OXSR1: variants seen among roughly 807,000 people sequenced by gnomAD.
OXSR1 encodes the protein serine/threonine-protein kinase OSR1.
In OXSR1, 24 loss-of-function variants were observed where a neutral mutation model predicts 79.8. The observed-to-expected ratio is 0.30, with a 90% confidence interval of 0.22 to 0.42. OXSR1 has a LOEUF of 0.42. Among genes scored for constraint, OXSR1 ranks in the 10% least tolerant of loss-of-function variants. The pLI, the probability that OXSR1 is intolerant of heterozygous loss-of-function variation, is 1.00. For missense variants in OXSR1, 430 were observed against 618.4 expected (o/e 0.70, Z 3.23); for synonymous variants, 226 against 209.2 (o/e 1.08, Z -0.69).
At chr3:38,193,666 C>G (rs1215143677) in intron 3 of OXSR1, among the ~76,000 whole-genome samples, 1 of 140,586 alleles carries the variant, frequency 7.1e-6, no homozygotes, top group Non-Finnish European at 1.5e-5. Context: ...GAGTATATGT[C>G]TTGATCATAG....
At chr3:38,193,327 T>C (rs761959133) in intron 3 of OXSR1, 1 of 1,289,648 alleles carries the variant, frequency 7.8e-7, no homozygotes. Flanking sequence ...GCCCTGTTCA[T>C]ATGATGGTTG....
chr3:38,191,963 C>T (rs1701991979), intron 3 of OXSR1, among the ~76,000 whole-genome samples: 2 of 152,146 alleles, frequency 1.3e-5, no homozygotes, highest in South Asian at 4.1e-4. Flanking sequence ...TTAATCTGTA[C>T]TCTAGTTCCT....
intron 1 of OXSR1, among the ~76,000 whole-genome samples, chr3:38,177,696 C>T (rs1701700246): frequency 2.0e-5 from 3 of 151,512 alleles, no homozygotes; most frequent in South Asian, 4.2e-4. Context: ...GCAATCTTCC[C>T]ATCTCAGCCT....
At chr3:38,231,943 C>T (rs1484044207) in intron 10 of OXSR1, among the ~76,000 whole-genome samples, 1 of 152,016 alleles carries the variant, frequency 6.6e-6, no homozygotes, top group East Asian at 1.9e-4. Flanking sequence ...CTCGTCTCTA[C>T]TAAAAATACA....
chr3:38,239,730 C>T (rs78740388), intron 11 of OXSR1, among the ~76,000 whole-genome samples: 12 of 152,318 alleles, frequency 7.9e-5, no homozygotes, highest in Non-Finnish European at 1.3e-4. Context: ...CTAGGGTTCA[C>T]TCTCTTTGTA....
chr3:38,207,158 A>G (rs914452330), intron 4 of OXSR1, among the ~76,000 whole-genome samples: 14 of 152,366 alleles, frequency 9.2e-5, no homozygotes, highest in African/African-American at 3.4e-4. Flanking sequence ...CTTGTATGAA[A>G]GCAGCTATAG....
At chr3:38,174,732 G>A (rs1337758420) in intron 1 of OXSR1, among the ~76,000 whole-genome samples, 1 of 152,150 alleles carries the variant, frequency 6.6e-6, no homozygotes, top group African/African-American at 2.4e-5. Flanking sequence ...TTTGAAGTTA[G>A]GAGGATTTGC....
chr3:38,207,947 C>CCTTCCTTCCTTCCTTT (rs1397469124), intron 4 of OXSR1, among the ~76,000 whole-genome samples: 2 of 133,550 alleles, frequency 1.5e-5, no homozygotes, highest in African/African-American at 5.6e-5. Flanking sequence ...TTCCTTCCTT[C>CCTTCCTTCCTTCCTTT]CTTCCTTCCT....
At chr3:38,198,982 T>C (rs1559508909) in intron 4 of OXSR1, 119 bp downstream of exon 4, 2 of 774,508 alleles carry the variant, frequency 2.6e-6, no homozygotes, top group Non-Finnish European at 4.1e-6. Context: ...TTTAGTACAC[T>C]GTGGTTAGAG....
intron 7 of OXSR1, 100 bp downstream of exon 7, chr3:38,224,013 A>C: frequency 1.5e-6 from 1 of 658,540 alleles, no homozygotes. Context: ...GGTAAAATAC[A>C]CATAACATAA....
chr3:38,172,013 C>G (rs1575303988), intron 1 of OXSR1, among the ~76,000 whole-genome samples: 1 of 152,124 alleles, frequency 6.6e-6, no homozygotes, highest in East Asian at 1.9e-4. Context: ...ACCTATGTCA[C>G]TGGGGCCGTT....
chr3:38,209,353 G>A (rs962686845), intron 4 of OXSR1, among the ~76,000 whole-genome samples: 13 of 151,596 alleles, frequency 8.6e-5, no homozygotes, highest in Admixed American at 5.3e-4. Context: ...CAAATAGCTG[G>A]CCCACAGGTG....
chr3:38,184,726 C>A (rs1229760131), intron 2 of OXSR1, among the ~76,000 whole-genome samples: 17 of 151,962 alleles, frequency 1.1e-4, no homozygotes, highest in African/African-American at 4.1e-4. Flanking sequence ...TTTAACCTCA[C>A]ACACATCTCC....
intron 1 of OXSR1, among the ~76,000 whole-genome samples, chr3:38,174,346 C>T (rs569683926): frequency 2.0e-5 from 3 of 152,018 alleles, no homozygotes; most frequent in Admixed American, 6.6e-5. Flanking sequence ...CTTTGGGAGG[C>T]GGAGGCAGGT....
Position 38,242,244 on chromosome 3 carries a change from A to G in OXSR1, c.1075-499A>G, listed in dbSNP as rs34949013. On this transcript the variant is annotated intron_variant, in intron 11 of 17. Coordinates refer to ENST00000311806, the MANE Select transcript of OXSR1 (RefSeq NM_005109.3). ...GTGTTTCTTTAGATACCAGATTCCC[A>G]AATATCCAACACCAAGAATAAGGGT... 2.4e-3 allele frequency among the ~76,000 whole-genome samples: 361 copies of G among 152,278 alleles called. 1 individual carries two copies. Among genetic ancestry groups the G allele is most frequent in the African/African-American group, 8.4e-3 (348 of 41,558 alleles).
intron 1 of OXSR1, among the ~76,000 whole-genome samples, chr3:38,168,984 G>A (rs1210640270): frequency 6.6e-6 from 1 of 152,226 alleles, no homozygotes; most frequent in East Asian, 1.9e-4. Flanking sequence ...ATACCCAGGA[G>A]TGGAATTGCT....
chr3:38,207,932 T>TTTCCTTCCTTCCTTCC (rs1202436620), intron 4 of OXSR1, among the ~76,000 whole-genome samples: 14 of 95,156 alleles, frequency 1.5e-4, no homozygotes, highest in African/African-American at 5.0e-4. Flanking sequence ...CTCCCCTCCC[T>TTTCCTTCCTTCCTTCC]TTCCTTCCTT....
intron 1 of OXSR1, among the ~76,000 whole-genome samples, chr3:38,174,230 A>C (rs1480580823): frequency 6.6e-6 from 1 of 152,162 alleles, no homozygotes; most frequent in African/African-American, 2.4e-5. Flanking sequence ...TTTGAGTAAG[A>C]CTGAAAATCA....
intron 4 of OXSR1, among the ~76,000 whole-genome samples, chr3:38,209,189 C>A (rs1288734048): frequency 2.0e-5 from 3 of 151,902 alleles, no homozygotes; most frequent in Non-Finnish European, 2.9e-5. Flanking sequence ...AAGATTACAT[C>A]TTTTTGTGTC....
Sources: allele counts gnomAD v4.1 joint callset (sites outside exome capture counted in the v4.1 genomes callset), GRCh38; gene constraint gnomAD v4.1.1; transcripts MANE v1.5; gene names NCBI Gene and HGNC (gene_info 2026-07-23, HGNC 2026-07-21).